The following ZNF10 variants were observed in gnomAD, a reference collection of about 807,000 sequenced individuals.
ZNF10 encodes the protein zinc finger protein 10 (KOX 1).
ZNF10 carries 8 observed loss-of-function variants against 12.2 expected under a neutral mutation model. That is an observed-to-expected ratio of 0.66 (90% confidence interval 0.39 to 1.18). The LOEUF is 1.18. ZNF10 is among the 50% of genes most tolerant of loss of function. The pLI is 0.01. For synonymous variants in ZNF10, 229 were observed against 228.2 expected (o/e 1.00, Z -0.03); for missense variants, 603 against 678.9 (o/e 0.89, Z 1.24).
intron 1 of ZNF10, among the ~76,000 whole-genome samples, chr12:133,134,181 TG>T (rs1955897825): frequency 6.8e-6 from 1 of 146,314 alleles, no homozygotes; most frequent in Non-Finnish European, 1.5e-5. Context: ...AGTGTGGTGG[TG>T]GGCGCCTGTA....
Position 133,157,480 on chromosome 12 carries a change from G to C in ZNF10, c.*512G>C, listed in dbSNP as rs1455053618. On this transcript the variant is annotated 3_prime_UTR_variant, in exon 5 of 5. Coordinates refer to ENST00000248211, the MANE Select transcript of ZNF10 (RefSeq NM_015394.5). ...GGTAGAAACCATATTTTGGTTAACA[G>C]CAAGAAAAATGCTTATAATGTAGTA... 1 of 152,192 alleles carries C rather than the reference G, an allele frequency of 6.6e-6. No homozygotes were observed. Among genetic ancestry groups the C allele is most frequent in the African/African-American group, 2.4e-5 (1 of 41,436 alleles). The allele number at this position is 152,192 out of a possible 1,614,324, so 9.4% of individuals were successfully genotyped here.
At chr12:133,144,395 T>A in intron 1 of ZNF10, 39 bp from the exon 2 acceptor site, 1 of 1,344,730 alleles carries the variant, frequency 7.4e-7, no homozygotes. Flanking sequence ...AGCCTCCCAG[T>A]CATAGCAAAC....
rs754819699 is a variant in ZNF10 at position 133,155,983 on chromosome 12, C to G, written c.737C>G (p.Ser246Cys). The change falls in exon 5 of 5, where the codon TCT becomes TGT. Residue 246 changes from serine to cysteine, a missense_variant. By Grantham distance (112) the Ser-to-Cys change is moderately radical. Coordinates refer to ENST00000248211, the MANE Select transcript of ZNF10 (RefSeq NM_015394.5). ...KSYKCPDNDN[S>C]LTHGSSLGIS... ...TACAAATGCCCTGATAATGACAACT[C>G]TCTTACTCATGGTTCATCTCTTGGT... is the stretch of plus-strand genomic sequence containing the variant. The G allele has an allele frequency of 4.3e-6, 7 of 1,613,878 alleles. No homozygotes were observed. The highest frequency in any genetic ancestry group is 1.6e-4 in the Middle Eastern group (1 of 6,082).
chr12:133,148,507 A>C (rs540782994), intron 2 of ZNF10, among the ~76,000 whole-genome samples: 1 of 152,306 alleles, frequency 6.6e-6, no homozygotes, highest in Admixed American at 6.5e-5. Flanking sequence ...TTCTTACAGA[A>C]GTTTTATAAA....
chr12:133,159,321 A>C lies in ZNF10; in HGVS notation c.*2353A>C, dbSNP rs976891795. The C allele has an allele frequency of 2.0e-5, 3 of 152,234 alleles. No homozygotes were observed. The highest frequency in any genetic ancestry group is 7.2e-5 in the African/African-American group (3 of 41,464). 9.4% of individuals were successfully genotyped at this position (152,234 alleles called of 1,614,324 possible). A position where few individuals can be genotyped will look rare whatever the true frequency, so the allele number is the denominator to read the frequency against. ...TTGTGGCATATCCGTGTAATGGAAG[A>C]TTATGCAGGCATTAAAATATGTACA... On this transcript the variant is annotated 3_prime_UTR_variant, in exon 5 of 5. Coordinates refer to ENST00000248211, the MANE Select transcript of ZNF10 (RefSeq NM_015394.5).
intron 2 of ZNF10, among the ~76,000 whole-genome samples, chr12:133,150,065 C>T (rs561297188): frequency 5.9e-5 from 9 of 152,264 alleles, no homozygotes; most frequent in Non-Finnish European, 7.4e-5. Flanking sequence ...GAAAATGTTA[C>T]AGGTCTTTCT....
chr12:133,135,898 A>G (rs969181066), intron 1 of ZNF10, among the ~76,000 whole-genome samples: 1 of 152,230 alleles, frequency 6.6e-6, no homozygotes, highest in Non-Finnish European at 1.5e-5. Flanking sequence ...GCAGACAAGT[A>G]TGACAGACAT....
At chr12:133,142,100 T>G (rs541577968) in intron 1 of ZNF10, among the ~76,000 whole-genome samples, 23 of 152,162 alleles carry the variant, frequency 1.5e-4, no homozygotes, top group African/African-American at 5.3e-4. Flanking sequence ...AAAACATCTT[T>G]CAACAACAAA....
intron 2 of ZNF10, among the ~76,000 whole-genome samples, chr12:133,146,830 AG>A (rs1406287781): frequency 2.0e-5 from 3 of 151,958 alleles, no homozygotes; most frequent in Non-Finnish European, 4.4e-5. Context: ...TAGGTGAAAG[AG>A]CGAAACTCCA....
chr12:133,143,360 A>G (rs1267936543), intron 1 of ZNF10, among the ~76,000 whole-genome samples: 2 of 152,192 alleles, frequency 1.3e-5, no homozygotes, highest in African/African-American at 4.8e-5. Context: ...TTTTACTGCA[A>G]TTTAAAAAAT....
chr12:133,131,626 T>A lies in ZNF10; in HGVS notation c.-60+872T>A, dbSNP rs75753737. 0.018 allele frequency among the ~76,000 whole-genome samples: 2,727 copies of A among 152,298 alleles called. 399 individuals carry two copies. In the East Asian group the frequency reaches 0.37, roughly 21 times the overall value. The stretch of plus-strand genomic sequence containing the variant: ...ACCCTTTTGAAAATTACCTCCACAC[T>A]AACTTTTCTCTTGTGACATAACTAA... On this transcript the variant is annotated intron_variant, in intron 1 of 4. Transcript: ENST00000248211.
Position 133,151,298 on chromosome 12 carries a change from C to T in ZNF10, c.160+144C>T, listed in dbSNP as rs535460033. The T allele has an allele frequency of 5.0e-5, 42 of 847,344 alleles. 2 individuals are homozygous for T. In the South Asian group the frequency reaches 1.1e-3, roughly 23 times the overall value. The allele number at this position is 847,344 out of a possible 1,614,324, so 52.5% of individuals were successfully genotyped here. Reference sequence around the variant, plus strand: ...GGCATAGAACAGGGTTTTTTTACTCCAGCTTTTGTGGAAAACTTGTTTTAA... The same window carrying T: ...GGCATAGAACAGGGTTTTTTTACTCTAGCTTTTGTGGAAAACTTGTTTTAA... On this transcript the variant is annotated intron_variant, in intron 3 of 4. Coordinates refer to ENST00000248211, the MANE Select transcript of ZNF10 (RefSeq NM_015394.5).
intron 1 of ZNF10, among the ~76,000 whole-genome samples, chr12:133,133,925 A>G (rs746338168): frequency 3.9e-4 from 60 of 152,134 alleles, no homozygotes; most frequent in Non-Finnish European, 7.1e-4. Flanking sequence ...TTGTGATTCA[A>G]TGAAGGATCT....
chr12:133,150,666 A>G (rs1279844059), intron 2 of ZNF10, among the ~76,000 whole-genome samples: 1 of 152,032 alleles, frequency 6.6e-6, no homozygotes, highest in Non-Finnish European at 1.5e-5. Flanking sequence ...TCTCTTAAGC[A>G]TTAAGGTGTA....
Position 133,158,613 on chromosome 12 carries a change from A to G in ZNF10, c.*1645A>G, listed in dbSNP as rs575575423. ...CTATTTTAATTTTCTCTTTCATTCTATAAATCAGTCTGTTGTATATAGGGA... is the reference window on the plus strand; with the variant it reads ...CTATTTTAATTTTCTCTTTCATTCTGTAAATCAGTCTGTTGTATATAGGGA... On this transcript the variant is annotated 3_prime_UTR_variant, in exon 5 of 5. Transcript: ENST00000248211. The G allele has an allele frequency of 2.0e-5, 3 of 152,330 alleles. No individual in the cohort carries two copies. Among genetic ancestry groups the G allele is most frequent in the South Asian group, 2.1e-4 (1 of 4,828 alleles). The allele number at this position is 152,330 out of a possible 1,614,324, so 9.4% of individuals were successfully genotyped here.
chr12:133,155,817 C>T lies in ZNF10; in HGVS notation c.571C>T (p.His191Tyr). 1 of 1,613,778 alleles carries T rather than the reference C, an allele frequency of 6.2e-7. No individual in the cohort carries two copies. The highest frequency in any genetic ancestry group is 1.1e-5 in the South Asian group (1 of 90,996). Residue 191 changes from histidine (H) to tyrosine (Y), a missense_variant, in exon 5 of 5, where the codon CAT becomes TAT. Coordinates refer to ENST00000248211, the MANE Select transcript of ZNF10 (RefSeq NM_015394.5). Reference sequence around the variant, plus strand: ...AGAGTATTTCCATAAACGTGACTCACATACTAAAAGTTTAAAACATGATTT... The same window carrying T: ...AGAGTATTTCCATAAACGTGACTCATATACTAAAAGTTTAAAACATGATTT... The part of the protein sequence containing the change: ...LREYFHKRDS[H>Y]TKSLKHDLVL...
At chr12:133,145,006 C>T (rs1418954182) in intron 2 of ZNF10, 1 of 353,038 alleles carries the variant, frequency 2.8e-6, no homozygotes, top group Non-Finnish European at 5.5e-6. Context: ...CCTCAGCCTC[C>T]CAAGTAGCTG....
At chr12:133,149,378 GACAGGTTCTCACTCTGTTGC>G (rs1955995073) in intron 2 of ZNF10, among the ~76,000 whole-genome samples, 4 of 68,010 alleles carry the variant, frequency 5.9e-5, no homozygotes, top group African/African-American at 2.8e-4. Context: ...TTTTTTTTTA[GACAGGTTCTCACTCTGTTGC>G]ACAGGCTAGA....
intron 1 of ZNF10, among the ~76,000 whole-genome samples, chr12:133,137,988 G>A (rs2135458065): frequency 6.6e-6 from 1 of 151,988 alleles, no homozygotes; most frequent in African/African-American, 2.4e-5. Flanking sequence ...ATAAATAATG[G>A]TTTACATCTG....
Sources: allele counts gnomAD v4.1 joint callset (sites outside exome capture counted in the v4.1 genomes callset), GRCh38; gene constraint gnomAD v4.1.1; transcripts MANE v1.5; gene names NCBI Gene and HGNC (gene_info 2026-07-23, HGNC 2026-07-21).